Variants in AP3S1 observed in about 807,000 individuals in gnomAD.
AP3S1 encodes the protein AP-3 complex subunit sigma-1.
AP3S1 carries 12 observed loss-of-function variants against 21.3 expected under a neutral mutation model. The ratio of observed to expected loss-of-function variants is 0.56; its 90% CI spans 0.36 to 0.91. AP3S1 has a LOEUF of 0.91. Ranked by LOEUF, AP3S1 falls within the 40% of genes least tolerant of loss-of-function variation. The probability of loss-of-function intolerance (pLI) is 0.01; values close to 1 mark genes in which losing one functional copy is unlikely to be tolerated. For missense variants in AP3S1, 116 were observed against 225.0 expected, an observed-to-expected ratio of 0.52 and a Z score of 3.10; for synonymous variants, 48 against 78.4, an observed-to-expected ratio of 0.61 and a Z score of 2.05.
At chr5:115,848,819 TC>T (rs1275347553) in intron 1 of AP3S1, among the ~76,000 whole-genome samples, 1 of 152,234 alleles carries the variant, frequency 6.6e-6, no homozygotes, top group African/African-American at 2.4e-5. Flanking sequence ...TTTTCAGCTT[TC>T]CTCTCATCAA....
intron 3 of AP3S1, among the ~76,000 whole-genome samples, chr5:115,883,553 A>G (rs1476448033): frequency 6.6e-6 from 1 of 152,002 alleles, no homozygotes; most frequent in African/African-American, 2.4e-5. Flanking sequence ...CACCAGTCCC[A>G]ATGAGATGAG....
intron 3 of AP3S1, among the ~76,000 whole-genome samples, chr5:115,883,016 T>C (rs1353191161): frequency 3.3e-5 from 5 of 152,202 alleles, no homozygotes; most frequent in Non-Finnish European, 7.3e-5. Flanking sequence ...GTAAACCGCC[T>C]ACTCAAGTCT....
At chr5:115,885,809 A>G (rs1349929275) in intron 3 of AP3S1, among the ~76,000 whole-genome samples, 2 of 152,216 alleles carry the variant, frequency 1.3e-5, no homozygotes, top group Non-Finnish European at 2.9e-5. Flanking sequence ...ATTTAGGTGG[A>G]TGAAATACTT....
At chr5:115,902,484 A>G (rs1267793030) in intron 4 of AP3S1, among the ~76,000 whole-genome samples, 1 of 152,124 alleles carries the variant, frequency 6.6e-6, no homozygotes, top group Non-Finnish European at 1.5e-5. Context: ...ATAATAACCT[A>G]ATTATTGTTG....
chr5:115,903,963 T>C (rs567514516), intron 5 of AP3S1: 20 of 152,130 alleles, frequency 1.3e-4, no homozygotes, highest in African/African-American at 4.6e-4. Context: ...GCACCTGTAA[T>C]CCCAGCTACT....
chr5:115,856,457 G>A (rs1342184576), intron 1 of AP3S1, among the ~76,000 whole-genome samples: 5 of 147,138 alleles, frequency 3.4e-5, no homozygotes, highest in South Asian at 4.3e-4. Flanking sequence ...TCTAGAGATA[G>A]CATCTTGCCC....
At chr5:115,881,960 C>G (rs1246061458) in intron 3 of AP3S1, among the ~76,000 whole-genome samples, 1 of 151,786 alleles carries the variant, frequency 6.6e-6, no homozygotes, top group African/African-American at 2.4e-5. Context: ...GAGCTTCAAT[C>G]TCCGATATCC....
chr5:115,848,567 T>C (rs1255684579), intron 1 of AP3S1, among the ~76,000 whole-genome samples: 2 of 152,238 alleles, frequency 1.3e-5, no homozygotes, highest in African/African-American at 4.8e-5. Context: ...TCAGTGTCCT[T>C]GTCTTTTTCG....
At chr5:115,902,763 A>G in intron 4 of AP3S1, 122 bp from the exon 5 acceptor site, 1 of 608,934 alleles carries the variant, frequency 1.6e-6, no homozygotes. Flanking sequence ...CCCTTACTCC[A>G]AGTTGTTTTT....
chr5:115,886,236 G>A (rs991427243), intron 3 of AP3S1, among the ~76,000 whole-genome samples: 1 of 152,120 alleles, frequency 6.6e-6, no homozygotes. Flanking sequence ...ACAATACTGT[G>A]TAGAGTTGAC....
At chr5:115,888,346 A>G (rs1454373134) in intron 3 of AP3S1, among the ~76,000 whole-genome samples, 2 of 151,670 alleles carry the variant, frequency 1.3e-5, no homozygotes, top group Admixed American at 1.3e-4. Flanking sequence ...TTTCCCCCTT[A>G]ATTTCTTCAC....
intron 2 of AP3S1, among the ~76,000 whole-genome samples, chr5:115,867,832 G>T (rs998974180): frequency 6.6e-6 from 1 of 152,164 alleles, no homozygotes; most frequent in Non-Finnish European, 1.5e-5. Context: ...ACAGTGCACT[G>T]CATGTAAGAA....
At position 115,867,692 on chromosome 5, in the gene AP3S1, A is replaced by G. The variant is rs192827094; in HGVS notation, c.161+931A>G. Among the ~76,000 whole-genome samples the G allele has an allele frequency of 1.3e-3, 204 of 152,296 alleles. 2 individuals are homozygous for G. Among genetic ancestry groups the G allele is most frequent in the Non-Finnish European group, 2.8e-3 (191 of 68,008 alleles). On this transcript the variant is annotated intron_variant, in intron 2 of 5. Transcript: ENST00000316788. ...CAAGGCTTCTAATTTAATAATTGAG[A>G]CAAGTGTACCTGCTTCTGTTTTTGA...
At chr5:115,855,118 C>A (rs1762713725) in intron 1 of AP3S1, among the ~76,000 whole-genome samples, 1 of 151,996 alleles carries the variant, frequency 6.6e-6, no homozygotes, top group Admixed American at 6.6e-5. Context: ...CTCACTGCAA[C>A]CTCCACCTCC....
intron 1 of AP3S1, among the ~76,000 whole-genome samples, chr5:115,843,541 G>GA (rs1275571941): frequency 6.6e-6 from 1 of 151,978 alleles, no homozygotes; most frequent in Non-Finnish European, 1.5e-5. Context: ...TCCCGAATGG[G>GA]AAAAAATGCC....
intron 1 of AP3S1, among the ~76,000 whole-genome samples, chr5:115,856,057 T>G (rs1580627800): frequency 6.6e-6 from 1 of 152,310 alleles, no homozygotes; most frequent in East Asian, 1.9e-4. Flanking sequence ...GTTTGTGCCC[T>G]TTTGTAACTG....
At chr5:115,872,709 G>T (rs1449428244) in intron 3 of AP3S1, among the ~76,000 whole-genome samples, 1 of 151,248 alleles carries the variant, frequency 6.6e-6, no homozygotes, top group African/African-American at 2.4e-5. Context: ...TAAAGAAAAA[G>T]AAGCCAAATC....
At position 115,877,230 on chromosome 5, in the gene AP3S1, A is replaced by G. The variant is rs187552894; in HGVS notation, c.273+7102A>G. ...ACTTTAAGTTCTGAGATACATATGT[A>G]GAAGGTGTAGGTTTGTTACATAGGT... On this transcript the variant is annotated intron_variant, in intron 3 of 5. Coordinates refer to ENST00000316788, the MANE Select transcript of AP3S1 (RefSeq NM_001284.4). Among the ~76,000 whole-genome samples, 35 of 152,242 alleles carry G rather than the reference A, an allele frequency of 2.3e-4. No individual in the cohort carries two copies. In the East Asian group the frequency reaches 5.6e-3, roughly 24 times the overall value.
At chr5:115,889,227 A>G (rs560543712) in intron 3 of AP3S1, among the ~76,000 whole-genome samples, 32 of 152,274 alleles carry the variant, frequency 2.1e-4, no homozygotes, top group Admixed American at 8.5e-4. Flanking sequence ...CAGCATTTTT[A>G]CCAAGATGGT....
Sources: allele counts gnomAD v4.1 joint callset (sites outside exome capture counted in the v4.1 genomes callset), GRCh38; gene constraint gnomAD v4.1.1; transcripts MANE v1.5; gene names NCBI Gene and HGNC (gene_info 2026-07-23, HGNC 2026-07-21).